TRIM66: variants seen among roughly 807,000 people sequenced by gnomAD.
The protein encoded by TRIM66 is tripartite motif-containing protein 66.
Under a neutral mutation model 148.2 loss-of-function variants are expected in TRIM66, and 99 were observed. The ratio of observed to expected loss-of-function variants is 0.67; its 90% CI spans 0.57 to 0.79. TRIM66 has a LOEUF of 0.79. Ranked by LOEUF, TRIM66 falls within the 30% of genes least tolerant of loss-of-function variation. The pLI is 0.00. For synonymous variants in TRIM66, 616 were observed against 635.9 expected (o/e 0.97, Z 0.47); for missense variants, 1,666 against 1,697.9 (o/e 0.98, Z 0.33).
chr11:8,648,453 A>T lies in TRIM66; in HGVS notation c.688T>A (p.Cys230Ser). Residue 230 changes from cysteine to serine, a missense_variant, in exon 9 of 25, where the codon TGC becomes AGC. This residue lies in a region of TRIM66 where 1,431 missense variants were observed against 1,412.4 expected (regional missense o/e 1.01). Transcript: ENST00000646038. The stretch of plus-strand genomic sequence containing the variant: ...TGTTCCACCACTAGGCAGCTATGGC[A>T]AGTGAGCATATCACATGTCTCACAG... ...LFCETCDMLT[C>S]HSCLVVEHKE... 1 of 1,551,760 alleles carries T rather than the reference A, an allele frequency of 6.4e-7. No homozygotes were observed. Among genetic ancestry groups the T allele is most frequent in the Non-Finnish European group, 8.7e-7 (1 of 1,147,006 alleles).
chr11:8,633,805 T>C (rs79826898), intron 15 of TRIM66, among the ~76,000 whole-genome samples: 10,530 of 152,218 alleles, frequency 0.069, 396 homozygotes, highest in African/African-American at 0.075. Flanking sequence ...TTGTCCAGCT[T>C]TGGGTTTTAA....
intron 19 of TRIM66, 97 bp downstream of exon 19, chr11:8,621,548 T>C (rs2034214436): frequency 2.1e-6 from 3 of 1,421,898 alleles, no homozygotes; most frequent in Admixed American, 2.8e-5. Context: ...CATCAGAGAC[T>C]CAGGAAAGGT....
Position 8,682,635 on chromosome 11 carries a change from T to A in TRIM66, c.-582A>T. 1 of 705,646 alleles carries A rather than the reference T, an allele frequency of 1.4e-6. No individual in the cohort carries two copies. The highest frequency in any genetic ancestry group is 2.5e-6 in the Non-Finnish European group (1 of 395,188). The allele number at this position is 705,646 out of a possible 1,614,324, so 43.7% of individuals were successfully genotyped here. On this transcript the variant is annotated 5_prime_UTR_variant, in exon 1 of 25. Coordinates refer to ENST00000646038, the MANE Select transcript of TRIM66 (RefSeq NM_001388022.1). ...ACACCGCCACCAGGACACTCCGTGA[T>A]GGGGGATCACCACCCTCAGAAAGAG... is the stretch of plus-strand genomic sequence containing the variant.
Position 8,612,942 on chromosome 11 carries a change from C to T in TRIM66, c.*5002G>A, listed in dbSNP as rs925715110. 2.0e-5 allele frequency: 3 copies of T among 152,292 alleles called. No individual in the cohort carries two copies. The highest frequency in any genetic ancestry group is 7.2e-5 in the African/African-American group (3 of 41,454). 9.4% of individuals were successfully genotyped at this position (152,292 alleles called of 1,614,324 possible). A position where few individuals can be genotyped will look rare whatever the true frequency, so the allele number is the denominator to read the frequency against. ...CGGCCTGGATGCTGTAAAACCTAAT[C>T]CACACCCTTGGGCTGACTTAGATGG... is the stretch of plus-strand genomic sequence containing the variant. On this transcript the variant is annotated 3_prime_UTR_variant, in exon 25 of 25. Transcript: ENST00000646038.
chr11:8,623,317 G>C (rs751993632), intron 17 of TRIM66, among the ~76,000 whole-genome samples: 11 of 152,202 alleles, frequency 7.2e-5, no homozygotes, highest in Non-Finnish European at 1.2e-4. Context: ...GGCTCCCAGG[G>C]AGTTCTCCCC....
In TRIM66 at chr11:8,613,685, G is replaced by C. The variant is rs578155677; in HGVS notation, c.*4259C>G. 26 of 152,392 alleles carry C rather than the reference G, an allele frequency of 1.7e-4. No homozygotes were observed. Among genetic ancestry groups the C allele is most frequent in the African/African-American group, 6.3e-4 (26 of 41,546 alleles). 9.4% of individuals were successfully genotyped at this position (152,392 alleles called of 1,614,324 possible). A position where few individuals can be genotyped will look rare whatever the true frequency, so the allele number is the denominator to read the frequency against. On this transcript the variant is annotated 3_prime_UTR_variant, in exon 25 of 25. Transcript: ENST00000646038. ...GAGTAAGCGAGGGAGCAGTCTTGGA[G>C]GACATACAACAGGATTCAAGATATA...
chr11:8,680,624 C>A (rs1407015337), intron 1 of TRIM66: 1 of 152,150 alleles, frequency 6.6e-6, no homozygotes, highest in Non-Finnish European at 1.5e-5. Context: ...CACCAGTGAG[C>A]AGTGCAGATT....
Position 8,640,599 on chromosome 11 carries a change from A to T in TRIM66, c.1776T>A (p.Ser592Arg). Residue 592 changes from serine to arginine, a missense_variant, in exon 14 of 25, where the codon AGT becomes AGA. Around this residue, in one of 3 missense-constraint regions of TRIM66, gnomAD observed 1,431 missense variants for 1,412.4 expected, o/e 1.01. Coordinates refer to ENST00000646038, the MANE Select transcript of TRIM66 (RefSeq NM_001388022.1). ...GCTGCTGTGGCTGCTGCTGAAAGTG[A>T]CTGAGCTTCAGCTTCTGGTGGTGGC... ...QFGHHQKLKL[S>R]HFQQQPQQQL... is the part of the protein sequence containing the mutation. 1 of 1,551,172 alleles carries T rather than the reference A, an allele frequency of 6.4e-7. No homozygotes were observed.
intron 24 of TRIM66, 41 bp from the exon 25 acceptor site, chr11:8,618,044 G>A: frequency 6.6e-7 from 1 of 1,521,884 alleles, no homozygotes; most frequent in South Asian, 1.2e-5. Context: ...ATAGCCAAAT[G>A]TAGGATTTAT....
chr11:8,622,339 AACACAC>A (rs150269400), intron 18 of TRIM66, among the ~76,000 whole-genome samples: 2,293 of 71,508 alleles, frequency 0.032, 335 homozygotes, highest in African/African-American at 0.099. Context: ...ACACACACAC[AACACAC>A]ACACACACAC....
intron 6 of TRIM66, among the ~76,000 whole-genome samples, chr11:8,660,139 T>TCAAAAAC (rs1037437258): frequency 4.2e-4 from 64 of 152,264 alleles, no homozygotes; most frequent in African/African-American, 1.4e-3. Flanking sequence ...ATTCCACTGA[T>TCAAAAAC]CAAAAACCTT....
intron 3 of TRIM66, among the ~76,000 whole-genome samples, chr11:8,675,825 G>C (rs146936826): frequency 1.7e-4 from 25 of 151,268 alleles, no homozygotes; most frequent in Non-Finnish European, 3.5e-4. Flanking sequence ...TGCAACCTCC[G>C]ACTCCCTGGT....
chr11:8,628,827 A>G (rs2035122928), intron 15 of TRIM66, among the ~76,000 whole-genome samples: 1 of 149,880 alleles, frequency 6.7e-6, no homozygotes, highest in South Asian at 2.1e-4. Flanking sequence ...GCTTTCTTTT[A>G]TCATCTCTTT....
At chr11:8,641,887 G>T (rs145812634) in intron 13 of TRIM66, among the ~76,000 whole-genome samples, 2 of 152,214 alleles carry the variant, frequency 1.3e-5, no homozygotes, top group Admixed American at 1.3e-4. Flanking sequence ...TGTGATGTGC[G>T]TCTTCACCTT....
chr11:8,640,863 C>G lies in TRIM66; in HGVS notation c.1512G>C (p.Gly504=). Residue 504 remains glycine, a synonymous_variant, in exon 14 of 25, where the codon GGG becomes GGC. Transcript: ENST00000646038. ...QPPEMVPQQL[G]SLQCSALLPR... is the part of the protein sequence containing the mutation. ...GCAGCAGGGCAGAGCACTGCAGAGACCCCAGCTGCTGGGGCACCATCTCAG... is the reference window on the plus strand; with the variant it reads ...GCAGCAGGGCAGAGCACTGCAGAGAGCCCAGCTGCTGGGGCACCATCTCAG... The G allele has an allele frequency of 6.5e-7, 1 of 1,550,374 alleles. No individual in the cohort carries two copies. Among genetic ancestry groups the G allele is most frequent in the Non-Finnish European group, 8.7e-7 (1 of 1,146,924 alleles).
chr11:8,651,935 G>A (rs1301256594), intron 6 of TRIM66, 32 bp from the exon 7 acceptor site: 5 of 1,516,808 alleles, frequency 3.3e-6, no homozygotes, highest in African/African-American at 2.8e-5. Flanking sequence ...CAGAGTCAGG[G>A]CAACATGGCT....
intron 12 of TRIM66, 115 bp from the exon 13 acceptor site, chr11:8,643,241 G>A (rs1160857237): frequency 1.3e-6 from 1 of 756,560 alleles, no homozygotes; most frequent in Non-Finnish European, 2.1e-6. Flanking sequence ...TTTAACCTCT[G>A]GTCATCCTCC....
chr11:8,621,620 A>G (rs1283752851), intron 19 of TRIM66, 25 bp downstream of exon 19: 1 of 1,496,302 alleles, frequency 6.7e-7, no homozygotes, highest in Admixed American at 2.4e-5. Flanking sequence ...CCAGGGTTTA[A>G]GGCCAAGGCA....
chr11:8,666,270 C>G (rs2038585958), intron 6 of TRIM66, among the ~76,000 whole-genome samples: 1 of 139,096 alleles, frequency 7.2e-6, no homozygotes, highest in Admixed American at 8.2e-5. Flanking sequence ...ACCCGGGAGG[C>G]AGAGGTTCCA....
Sources: allele counts gnomAD v4.1 joint callset (sites outside exome capture counted in the v4.1 genomes callset), GRCh38; gene constraint gnomAD v4.1.1; regional missense constraint gnomAD v4.1.1; transcripts MANE v1.5; gene names NCBI Gene and HGNC (gene_info 2026-07-23, HGNC 2026-07-21).